The following CSMD1 variants were observed in gnomAD, a reference collection of about 807,000 sequenced individuals.
CSMD1 encodes the protein CUB and sushi domain-containing protein 1.
A neutral mutation model predicts 417.5 loss-of-function variants in CSMD1; 213 were observed. The observed-to-expected ratio is 0.51, with a 90% CI of 0.46 to 0.57. The LOEUF (loss-of-function observed/expected upper bound fraction) is 0.57, where lower values mean the gene tolerates loss of function less well. CSMD1 is among the 20% of genes least tolerant of loss of function. The pLI is 0.00. For missense variants in CSMD1, 6,923 were observed against 4,529.7 expected (o/e 1.53, Z -15.17); for synonymous variants, 2,862 against 1,736.8 (o/e 1.65, Z -16.11).
intron 3 of CSMD1, among the ~76,000 whole-genome samples, chr8:4,401,864 T>A (rs1008644757): frequency 6.6e-6 from 1 of 152,028 alleles, no homozygotes; most frequent in African/African-American, 2.4e-5. Flanking sequence ...TCCCCCCAAA[T>A]TCCCAGCTTT....
intron 3 of CSMD1, among the ~76,000 whole-genome samples, chr8:4,173,574 A>G (rs1264464011): frequency 6.6e-6 from 1 of 152,150 alleles, no homozygotes; most frequent in African/African-American, 2.4e-5. Context: ...CAAATGATGT[A>G]ACAATATGAT....
chr8:3,497,632 G>C (rs926043472), intron 10 of CSMD1, among the ~76,000 whole-genome samples: 6 of 152,098 alleles, frequency 3.9e-5, no homozygotes, highest in African/African-American at 7.2e-5. Flanking sequence ...CTAGTTTTTG[G>C]TTTCTGTTTG....
intron 3 of CSMD1, among the ~76,000 whole-genome samples, chr8:4,368,890 C>G (rs1402776681): frequency 2.0e-5 from 3 of 152,022 alleles, no homozygotes; most frequent in Admixed American, 6.6e-5. Context: ...TTATTTAATC[C>G]TTCAAATCAT....
At chr8:3,075,544 G>A (rs1813600529) in intron 49 of CSMD1, among the ~76,000 whole-genome samples, 1 of 151,484 alleles carries the variant, frequency 6.6e-6, no homozygotes, top group Non-Finnish European at 1.5e-5. Flanking sequence ...GCCTCCCAAA[G>A]TGCTGGGATG....
At chr8:4,558,247 C>T (rs1798180781) in intron 2 of CSMD1, among the ~76,000 whole-genome samples, 1 of 152,052 alleles carries the variant, frequency 6.6e-6, no homozygotes, top group African/African-American at 2.4e-5. Context: ...ATAAGAAAGC[C>T]CTGGTGAGTA....
chr8:2,952,280 A>T (rs1208816852), intron 65 of CSMD1, among the ~76,000 whole-genome samples: 1 of 152,166 alleles, frequency 6.6e-6, no homozygotes, highest in African/African-American at 2.4e-5. Context: ...TGTCTCCCTA[A>T]CCCATTTTTT....
chr8:3,315,728 A>T (rs1315785470), intron 23 of CSMD1, among the ~76,000 whole-genome samples: 1 of 152,220 alleles, frequency 6.6e-6, no homozygotes, highest in African/African-American at 2.4e-5. Flanking sequence ...AAAACATCAA[A>T]AAGCCTGTAA....
rs11344044 is a variant in CSMD1, at chr8:4,451,021, G to GA, written c.303-30957dup. Among the ~76,000 whole-genome samples the GA allele has an allele frequency of 7.2e-3, 1,085 of 150,934 alleles. 9 individuals carry two copies. Among genetic ancestry groups the GA allele is most frequent in the African/African-American group, 0.024 (990 of 41,262 alleles). ...TAAGCTTTCTGTTGACCAACGTGGG[G>GA]AAAAAAAAAATGGAATTTAGTGAAT... On this transcript the variant is annotated intron_variant, in intron 2 of 69. Transcript: ENST00000635120.
At chr8:4,118,634 A>C (rs1356742641) in intron 3 of CSMD1, among the ~76,000 whole-genome samples, 1 of 152,202 alleles carries the variant, frequency 6.6e-6, no homozygotes, top group African/African-American at 2.4e-5. Context: ...CACATTTTAC[A>C]CTGTTGATGG....
intron 6 of CSMD1, among the ~76,000 whole-genome samples, chr8:3,721,747 C>G (rs75563786): frequency 0.056 from 8,594 of 152,176 alleles, 543 homozygotes; most frequent in African/African-American, 0.16. Context: ...GAACAGAATT[C>G]TAAATTCTTT....
At chr8:4,094,973 A>G (rs1184547008) in intron 3 of CSMD1, among the ~76,000 whole-genome samples, 1 of 152,214 alleles carries the variant, frequency 6.6e-6, no homozygotes, top group Admixed American at 6.5e-5. Flanking sequence ...AAAGTATTCA[A>G]TAATATAGTA....
At chr8:3,903,309 G>C (rs1398875330) in intron 5 of CSMD1, among the ~76,000 whole-genome samples, 1 of 133,220 alleles carries the variant, frequency 7.5e-6, no homozygotes, top group Non-Finnish European at 1.6e-5. Flanking sequence ...GAATATCCAG[G>C]ATGAATTAAT....
chr8:3,161,085 AG>A (rs1245895918), intron 38 of CSMD1, among the ~76,000 whole-genome samples: 1 of 152,208 alleles, frequency 6.6e-6, no homozygotes, highest in Non-Finnish European at 1.5e-5. Flanking sequence ...AATTAACTGA[AG>A]AGCTGGAATG....
At chr8:3,388,889 A>C (rs1282478834) in intron 17 of CSMD1, among the ~76,000 whole-genome samples, 1 of 127,414 alleles carries the variant, frequency 7.8e-6, no homozygotes, top group Non-Finnish European at 1.6e-5. Context: ...CACACCACAC[A>C]CATGCATACA....
chr8:4,609,478 A>G (rs1476705346), intron 2 of CSMD1, among the ~76,000 whole-genome samples: 1 of 152,196 alleles, frequency 6.6e-6, no homozygotes, highest in African/African-American at 2.4e-5. Flanking sequence ...TAATTAATTG[A>G]TTAATATATG....
intron 1 of CSMD1, among the ~76,000 whole-genome samples, chr8:4,900,829 G>T (rs757324814): frequency 6.6e-6 from 1 of 152,092 alleles, no homozygotes; most frequent in Non-Finnish European, 1.5e-5. Context: ...GAATTCTCAC[G>T]GCTCTAATTT....
intron 3 of CSMD1, among the ~76,000 whole-genome samples, chr8:4,285,866 G>A (rs1345184234): frequency 6.6e-6 from 1 of 152,058 alleles, no homozygotes; most frequent in Non-Finnish European, 1.5e-5. Context: ...ATCTACTTGT[G>A]GTCTCTTCCA....
Position 3,790,939 on chromosome 8 carries a change from T to C in CSMD1, c.819-36897A>G, listed in dbSNP as rs561564571. 1.4e-4 allele frequency among the ~76,000 whole-genome samples: 22 copies of C among 152,288 alleles called. No homozygotes were observed. In the South Asian group the frequency reaches 4.6e-3, roughly 32 times the overall value. ...GGTCCTAAGAGCAACAGATGACACC[T>C]GTCATTTTAACTCACAGGAAAGATG... On this transcript the variant is annotated intron_variant, in intron 5 of 69. Coordinates refer to ENST00000635120, the MANE Select transcript of CSMD1 (RefSeq NM_033225.6).
At chr8:4,760,416 C>A (rs1478947498) in intron 1 of CSMD1, among the ~76,000 whole-genome samples, 1 of 152,104 alleles carries the variant, frequency 6.6e-6, no homozygotes, top group Non-Finnish European at 1.5e-5. Context: ...TTTATGATAC[C>A]TTTGTGGCTA....
Sources: allele counts gnomAD v4.1 joint callset (sites outside exome capture counted in the v4.1 genomes callset), GRCh38; gene constraint gnomAD v4.1.1; transcripts MANE v1.5; gene names NCBI Gene and HGNC (gene_info 2026-07-23, HGNC 2026-07-21).